RNF217: variants seen among roughly 807,000 people sequenced by gnomAD.
RNF217 encodes ring finger protein 217, also known as E3 ubiquitin-protein ligase RNF217.
In RNF217, 31 loss-of-function variants were observed where a neutral mutation model predicts 57.8. That is an observed-to-expected ratio of 0.54 (90% CI 0.40 to 0.72). RNF217 has a LOEUF of 0.72. Among genes scored for constraint, RNF217 ranks in the 30% least tolerant of loss-of-function variants. The pLI is 0.00. For synonymous variants in RNF217, 313 were observed against 294.0 expected, an observed-to-expected ratio of 1.06 and a Z score of -0.66; for missense variants, 696 against 708.3, an observed-to-expected ratio of 0.98 and a Z score of 0.20.
chr6:125,076,651 A>G lies in RNF217; in HGVS notation c.1282-6A>G, dbSNP rs1788385666. 1 of 1,603,130 alleles carries G rather than the reference A, an allele frequency of 6.2e-7. No homozygotes were observed. The highest frequency in any genetic ancestry group is 8.5e-7 in the Non-Finnish European group (1 of 1,170,304). Reference sequence around the variant, plus strand: ...TTCCTTCTCCTTCCCTCTCTTGCTGATACAGATCCACATCCAGCGAACTGA... The same window carrying G: ...TTCCTTCTCCTTCCCTCTCTTGCTGGTACAGATCCACATCCAGCGAACTGA... On this transcript the variant is annotated splice_region_variant and splice_polypyrimidine_tract_variant and intron_variant, in intron 3 of 5. Coordinates refer to ENST00000521654, the MANE Select transcript of RNF217 (RefSeq NM_001286398.3).
At chr6:125,048,005 C>G (rs1787159947) in intron 2 of RNF217, 2 of 313,018 alleles carry the variant, frequency 6.4e-6, no homozygotes, top group South Asian at 3.1e-5. Context: ...GTACAAAGTT[C>G]TAGCAATGAT....
rs916179363 is a variant in RNF217, at chr6:125,091,158, G to A, written c.*8221G>A. 2.0e-5 allele frequency: 3 copies of A among 152,014 alleles called. 1 individual carries two copies. The highest frequency in any genetic ancestry group is 3.9e-4 in the East Asian group (2 of 5,180). The allele number at this position is 152,014 out of a possible 1,614,324, so 9.4% of individuals were successfully genotyped here. On this transcript the variant is annotated 3_prime_UTR_variant, in exon 6 of 6. Coordinates refer to ENST00000521654, the MANE Select transcript of RNF217 (RefSeq NM_001286398.3). ...AGCATAGTATATACTTTTCTACCAC[G>A]TTAGCATTTACACTCTAATTACTGA... is the stretch of plus-strand genomic sequence containing the variant.
In RNF217 at chr6:125,025,917, T is replaced by C. The variant is rs972994308; in HGVS notation, c.883-19294T>C. ...GTGAAGTTTTTGACTGTGTGCATAT[T>C]GGTCAGTTGAAAGGAAAAGTTAAGA... On this transcript the variant is annotated intron_variant, in intron 1 of 5. Transcript: ENST00000521654. Among the ~76,000 whole-genome samples the C allele has an allele frequency of 2.0e-5, 3 of 152,256 alleles. No homozygotes were observed. The East Asian group carries it at 5.8e-4, about 29-fold the overall frequency.
At position 125,052,284 on chromosome 6, in the gene RNF217, TTGTGTGTGTGTGTGTGTGTG is replaced by T. The variant is rs368469313; in HGVS notation, c.1117-5641_1117-5622del. On this transcript the variant is annotated intron_variant, in intron 2 of 5. Coordinates refer to ENST00000521654, the MANE Select transcript of RNF217 (RefSeq NM_001286398.3). The stretch of plus-strand genomic sequence containing the variant: ...AATATAGCTTACCTTGTCATGCGTT[TTGTGTGTGTGTGTGTGTGTG>T]TGTGTGTGTGTGTGTGGTTTTATTT... Among the ~76,000 whole-genome samples, 4 of 143,232 alleles carry T rather than the reference TTGTGTGTGTGTGTGTGTGTG, an allele frequency of 2.8e-5. No homozygotes were observed. In the South Asian group the frequency reaches 6.8e-4, roughly 24 times the overall value. 94.0% of individuals were successfully genotyped at this position (143,232 alleles called of 152,430 possible). A position where few individuals can be genotyped will look rare whatever the true frequency, so the allele number is the denominator to read the frequency against.
intron 3 of RNF217, among the ~76,000 whole-genome samples, chr6:125,071,484 ATG>A (rs61496685): frequency 0.16 from 22,128 of 135,924 alleles, 1,743 homozygotes; most frequent in Admixed American, 0.27. Context: ...CTGCCTACAT[ATG>A]TGTGTGTGTG....
intron 1 of RNF217, among the ~76,000 whole-genome samples, chr6:125,022,789 C>T (rs532765415): frequency 6.6e-6 from 1 of 152,254 alleles, no homozygotes; most frequent in South Asian, 2.1e-4. Flanking sequence ...ACACTTCCTT[C>T]CCTTTAATTT....
intron 1 of RNF217, 121 bp downstream of exon 1, chr6:124,963,547 T>C: frequency 8.5e-7 from 1 of 1,175,290 alleles, no homozygotes; most frequent in Non-Finnish European, 1.1e-6. Context: ...TGAGGATCTC[T>C]GTTAGTTTCT....
At chr6:124,983,017 A>G (rs1466640361) in intron 1 of RNF217, among the ~76,000 whole-genome samples, 1 of 152,204 alleles carries the variant, frequency 6.6e-6, no homozygotes, top group African/African-American at 2.4e-5. Context: ...TCACAGTAAA[A>G]GGATCACTTC....
intron 1 of RNF217, among the ~76,000 whole-genome samples, chr6:125,013,787 C>G (rs181184876): frequency 1.3e-4 from 20 of 152,256 alleles, no homozygotes; most frequent in African/African-American, 4.8e-4. Flanking sequence ...GATTTTTAGT[C>G]TAGCAGATCT....
chr6:124,963,822 G>T (rs1783414575), intron 1 of RNF217, among the ~76,000 whole-genome samples: 1 of 152,192 alleles, frequency 6.6e-6, no homozygotes, highest in East Asian at 1.9e-4. Flanking sequence ...GTGGAGAAAA[G>T]AATTGGAATA....
At chr6:124,966,096 C>T (rs778655292) in intron 1 of RNF217, among the ~76,000 whole-genome samples, 2 of 152,070 alleles carry the variant, frequency 1.3e-5, no homozygotes, top group East Asian at 1.9e-4. Context: ...GGGCTTAAAG[C>T]GGACAAAAGT....
chr6:125,027,372 T>G (rs185937977), intron 1 of RNF217, among the ~76,000 whole-genome samples: 2 of 152,288 alleles, frequency 1.3e-5, no homozygotes, highest in East Asian at 3.9e-4. Context: ...ATTGATGTGA[T>G]TTTTAGATCC....
intron 1 of RNF217, among the ~76,000 whole-genome samples, chr6:125,007,348 C>T (rs757343349): frequency 1.5e-4 from 22 of 151,286 alleles, no homozygotes; most frequent in African/African-American, 3.6e-4. Flanking sequence ...TGGGTTCAAG[C>T]GACTCTCCTG....
chr6:125,008,173 G>A (rs557190197), intron 1 of RNF217, among the ~76,000 whole-genome samples: 6 of 151,998 alleles, frequency 3.9e-5, no homozygotes, highest in East Asian at 3.9e-4. Context: ...GGAGAATGGC[G>A]TGAACCCAGG....
intron 1 of RNF217, among the ~76,000 whole-genome samples, chr6:124,985,258 T>A (rs1374163512): frequency 6.6e-6 from 1 of 152,236 alleles, no homozygotes; most frequent in African/African-American, 2.4e-5. Flanking sequence ...TGAGAATATA[T>A]ACTCCAACAT....
At chr6:125,014,975 G>A (rs1333393610) in intron 1 of RNF217, among the ~76,000 whole-genome samples, 1 of 152,070 alleles carries the variant, frequency 6.6e-6, no homozygotes, top group East Asian at 1.9e-4. Flanking sequence ...CACTGGTCCT[G>A]TGTTGTGTAA....
In RNF217 at chr6:125,086,210, C is replaced by G. The variant is rs1788765836; in HGVS notation, c.*3273C>G. 6.6e-6 allele frequency: 1 copy of G among 151,900 alleles called. No homozygotes were observed. The highest frequency in any genetic ancestry group is 1.5e-5 in the Non-Finnish European group (1 of 67,902). 9.4% of individuals were successfully genotyped at this position (151,900 alleles called of 1,614,324 possible). Reference sequence around the variant, plus strand: ...TTTTTGGATAAAAAGAAAGATTGTACAGGAGTGCATAATTTTTAAAGAAAA... The same window carrying G: ...TTTTTGGATAAAAAGAAAGATTGTAGAGGAGTGCATAATTTTTAAAGAAAA... On this transcript the variant is annotated 3_prime_UTR_variant, in exon 6 of 6. Coordinates refer to ENST00000521654, the MANE Select transcript of RNF217 (RefSeq NM_001286398.3).
chr6:125,018,961 A>G (rs1289823750), intron 1 of RNF217, among the ~76,000 whole-genome samples: 1 of 152,196 alleles, frequency 6.6e-6, no homozygotes, highest in African/African-American at 2.4e-5. Context: ...ACAGCTGGAC[A>G]TACACCTCCA....
intron 1 of RNF217, among the ~76,000 whole-genome samples, chr6:124,991,254 C>T (rs572259092): frequency 1.4e-3 from 206 of 152,326 alleles, no homozygotes; most frequent in African/African-American, 4.7e-3. Flanking sequence ...ACCAGCTTCT[C>T]GGACTCTTTG....
Sources: gnomAD v4.1 joint callset for allele counts (sites outside exome capture counted in the v4.1 genomes callset) on GRCh38, gnomAD v4.1.1 for gene constraint, MANE v1.5 for transcripts, NCBI Gene and HGNC (gene_info 2026-07-23, HGNC 2026-07-21) for gene names.